Variants in FBXW7 observed in about 807,000 individuals in gnomAD.
The protein encoded by FBXW7 is F-box and WD repeat domain containing 7.
FBXW7 carries 11 observed loss-of-function variants against 86.3 expected under a neutral mutation model. That is an observed-to-expected ratio of 0.13 (90% confidence interval 0.08 to 0.21). The LOEUF (loss-of-function observed/expected upper bound fraction) is 0.21. FBXW7 is among the 10% of genes least tolerant of loss of function. The pLI, the probability that FBXW7 is intolerant of heterozygous loss-of-function variation, is 1.00. For synonymous variants in FBXW7, 313 were observed against 297.9 expected, an observed-to-expected ratio of 1.05 and a Z score of -0.52; for missense variants, 488 against 847.4, an observed-to-expected ratio of 0.58 and a Z score of 5.27.
At chr4:152,443,248 G>A (rs1262373569) in intron 2 of FBXW7, among the ~76,000 whole-genome samples, 2 of 152,114 alleles carry the variant, frequency 1.3e-5, no homozygotes, top group African/African-American at 2.4e-5. Context: ...GGCAACAAGA[G>A]TGAAACTCCT....
rs186814532 is a variant in FBXW7, at chr4:152,447,393, G to A, written c.-119-34864C>T. On this transcript the variant is annotated intron_variant, in intron 2 of 13. Coordinates refer to ENST00000281708, the MANE Select transcript of FBXW7 (RefSeq NM_001349798.2). ...GGTAGAGGTATTGGTGAGGAAGGGA[G>A]TGGAAGAGAGTTTCTTTTCTAATCT... is the stretch of plus-strand genomic sequence containing the variant. Among the ~76,000 whole-genome samples the A allele has an allele frequency of 3.3e-3, 507 of 152,290 alleles. 4 individuals are homozygous for A. The highest frequency in any genetic ancestry group is 0.018 in the South Asian group (89 of 4,824).
chr4:152,491,448 T>C (rs550967991), intron 2 of FBXW7, among the ~76,000 whole-genome samples: 47 of 152,274 alleles, frequency 3.1e-4, no homozygotes, highest in African/African-American at 1.1e-3. Flanking sequence ...AGATAAAAGC[T>C]ATGAAAGGAC....
chr4:152,324,502 C>G lies in FBXW7; in HGVS notation c.1645-108G>C, dbSNP rs140394589. The G allele has an allele frequency of 5.2e-5, 45 of 869,528 alleles. No homozygotes were observed. In the African/African-American group the frequency reaches 6.4e-4, roughly 12 times the overall value. 53.9% of individuals were successfully genotyped at this position (869,528 alleles called of 1,614,324 possible). A position where few individuals can be genotyped will look rare whatever the true frequency, so the allele number is the denominator to read the frequency against. ...GAAGAGGATGGGAAACAGGTAATGC[C>G]AGGAACAAAATGAGGTACTAAGATA... On this transcript the variant is annotated intron_variant, in intron 12 of 13. Transcript: ENST00000281708.
chr4:152,535,725 C>T lies in FBXW7; in HGVS notation c.-811G>A. 2.5e-6 allele frequency: 1 copy of T among 395,108 alleles called. No homozygotes were observed. The highest frequency in any genetic ancestry group is 2.1e-5 in the African/African-American group (1 of 48,516). The allele number at this position is 395,108 out of a possible 1,614,324, so 24.5% of individuals were successfully genotyped here. A position where few individuals can be genotyped will look rare whatever the true frequency, so the allele number is the denominator to read the frequency against. On this transcript the variant is annotated 5_prime_UTR_variant, in exon 1 of 14. Transcript: ENST00000281708. ...CCACGGGACGAGGCAGAAGCTCTGG[C>T]GCCTCCTCAGCGTTCTCTCACCGCG...
chr4:152,323,331 G>A (rs1482627478), intron 13 of FBXW7, 182 bp from the exon 14 acceptor site: 10 of 724,372 alleles, frequency 1.4e-5, no homozygotes, highest in Admixed American at 3.0e-5. Flanking sequence ...AAATCTGGTA[G>A]TGATTTGTAA....
chr4:152,429,987 G>A (rs1045398470), intron 2 of FBXW7, among the ~76,000 whole-genome samples: 6 of 152,046 alleles, frequency 3.9e-5, no homozygotes, highest in Admixed American at 1.3e-4. Flanking sequence ...TGTTGTTGTT[G>A]TTATTGAATG....
At chr4:152,349,303 G>C (rs1463271861) in intron 5 of FBXW7, among the ~76,000 whole-genome samples, 2 of 127,254 alleles carry the variant, frequency 1.6e-5, no homozygotes, top group East Asian at 4.6e-4. Flanking sequence ...AAAAAATTCT[G>C]TTTTAAAGAC....
At chr4:152,339,487 A>G (rs1426668575) in intron 6 of FBXW7, among the ~76,000 whole-genome samples, 1 of 152,210 alleles carries the variant, frequency 6.6e-6, no homozygotes, top group Non-Finnish European at 1.5e-5. Flanking sequence ...TTTGGTATCA[A>G]TAGAACAAAC....
chr4:152,463,642 C>T (rs962882243), intron 2 of FBXW7, among the ~76,000 whole-genome samples: 13 of 152,170 alleles, frequency 8.5e-5, no homozygotes, highest in African/African-American at 3.1e-4. Flanking sequence ...ATATAGCAAG[C>T]ATTGTACAAG....
Position 152,535,208 on chromosome 4 carries a change from G to T in FBXW7, c.-294C>A. 5.8e-6 allele frequency: 1 copy of T among 171,070 alleles called. No homozygotes were observed. The highest frequency in any genetic ancestry group is 2.4e-5 in the African/African-American group (1 of 42,362). 10.6% of individuals were successfully genotyped at this position (171,070 alleles called of 1,614,324 possible). A position where few individuals can be genotyped will look rare whatever the true frequency, so the allele number is the denominator to read the frequency against. ...CACTTCTCCCGGGACAGTCAGGTTT[G>T]GGAGACTCCGGATTTTGTTTTTGTA... On this transcript the variant is annotated 5_prime_UTR_variant, in exon 1 of 14. Transcript: ENST00000281708.
chr4:152,395,601 C>A (rs1170872499), intron 4 of FBXW7, among the ~76,000 whole-genome samples: 1 of 152,056 alleles, frequency 6.6e-6, no homozygotes, highest in African/African-American at 2.4e-5. Context: ...GTACACCAAA[C>A]TCATAAGGAA....
intron 2 of FBXW7, among the ~76,000 whole-genome samples, chr4:152,473,987 A>G (rs1383432937): frequency 6.6e-6 from 1 of 152,170 alleles, no homozygotes; most frequent in African/African-American, 2.4e-5. Flanking sequence ...CAGGGGTCAC[A>G]TATCTCAGCA....
chr4:152,395,292 T>C (rs1269365783), intron 4 of FBXW7, among the ~76,000 whole-genome samples: 1 of 152,066 alleles, frequency 6.6e-6, no homozygotes, highest in Admixed American at 6.6e-5. Context: ...CTGATGCAGC[T>C]GGTCCAAGGT....
At chr4:152,490,487 T>C (rs1339680189) in intron 2 of FBXW7, among the ~76,000 whole-genome samples, 1 of 152,026 alleles carries the variant, frequency 6.6e-6, no homozygotes, top group Non-Finnish European at 1.5e-5. Context: ...AACAACACTA[T>C]AAGGTACACT....
chr4:152,361,611 T>C (rs1041936057), intron 4 of FBXW7, among the ~76,000 whole-genome samples: 1 of 152,218 alleles, frequency 6.6e-6, no homozygotes, highest in Admixed American at 6.5e-5. Context: ...AGATTCACTT[T>C]CTTAAAATTT....
chr4:152,530,943 A>G (rs1749973433), intron 2 of FBXW7: 1 of 152,122 alleles, frequency 6.6e-6, no homozygotes, highest in African/African-American at 2.4e-5. Flanking sequence ...TAGTTTGCCA[A>G]CTCTTTCTCT....
intron 2 of FBXW7, among the ~76,000 whole-genome samples, chr4:152,503,752 A>G (rs1012145592): frequency 6.6e-6 from 1 of 152,174 alleles, no homozygotes; most frequent in South Asian, 2.1e-4. Flanking sequence ...CACAACAGAC[A>G]GCTCCAGCTA....
intron 2 of FBXW7, among the ~76,000 whole-genome samples, chr4:152,417,133 G>T (rs1014645424): frequency 1.3e-5 from 2 of 152,050 alleles, no homozygotes; most frequent in African/African-American, 4.8e-5. Context: ...TCACACAGAA[G>T]CTAATGACTC....
Position 152,480,120 on chromosome 4 carries a change from G to GA in FBXW7, c.-120+54820_-120+54821insT, listed in dbSNP as rs1351977009. ...CATATTGTGGATTTTACAAAATAAT[G>GA]GTTTGTGCAACCCTGCATTGGGCAA... On this transcript the variant is annotated intron_variant, in intron 2 of 13. Coordinates refer to ENST00000281708, the MANE Select transcript of FBXW7 (RefSeq NM_001349798.2). Among the ~76,000 whole-genome samples the GA allele has an allele frequency of 3.9e-4, 60 of 152,130 alleles. 1 individual carries two copies. The highest frequency in any genetic ancestry group is 2.9e-3 in the South Asian group (14 of 4,814).
Sources: gnomAD v4.1 joint callset for allele counts (sites outside exome capture counted in the v4.1 genomes callset) on GRCh38, gnomAD v4.1.1 for gene constraint, MANE v1.5 for transcripts, NCBI Gene and HGNC (gene_info 2026-07-23, HGNC 2026-07-21) for gene names.